RPS6KC1: variants seen among roughly 807,000 people sequenced by gnomAD.
The protein encoded by RPS6KC1 is ribosomal protein S6 kinase C1.
In RPS6KC1, 54 loss-of-function variants were observed where a neutral mutation model predicts 103.8. The observed-to-expected ratio is 0.52, with a 90% confidence interval of 0.42 to 0.65. The LOEUF (loss-of-function observed/expected upper bound fraction) is 0.65, where lower values mean the gene tolerates loss of function less well. Among genes scored for constraint, RPS6KC1 ranks in the 30% least tolerant of loss-of-function variants. RPS6KC1 has a pLI of 0.00. For missense variants in RPS6KC1, 1,151 were observed against 1,253.8 expected, an observed-to-expected ratio of 0.92 and a Z score of 1.24; for synonymous variants, 439 against 438.7, an observed-to-expected ratio of 1.00 and a Z score of -0.01.
intron 7 of RPS6KC1, among the ~76,000 whole-genome samples, chr1:213,171,702 T>C (rs2091489206): frequency 6.6e-6 from 1 of 152,252 alleles, no homozygotes; most frequent in African/African-American, 2.4e-5. Context: ...TATTATTAAT[T>C]GATATTATTC....
intron 3 of RPS6KC1, among the ~76,000 whole-genome samples, chr1:213,099,093 T>C (rs906015185): frequency 4.6e-5 from 7 of 152,216 alleles, no homozygotes. Context: ...AAATTTTGAT[T>C]ATGTTGAAGG....
chr1:213,117,191 A>C (rs1360342467), intron 4 of RPS6KC1, 126 bp from the exon 5 acceptor site: 2 of 548,944 alleles, frequency 3.6e-6, no homozygotes, highest in Admixed American at 7.2e-5. Flanking sequence ...CTTGTCATCT[A>C]GTTTAATAGA....
At chr1:213,408,104 A>C in the RPS6KC1 span, among the ~76,000 whole-genome samples, 1 of 152,220 alleles carries the variant, frequency 6.6e-6, no homozygotes, top group Non-Finnish European at 1.5e-5. Context: ...TTCTGTCCTT[A>C]TAATGTCAGA....
chr1:213,859,543 G>A, the RPS6KC1 span, among the ~76,000 whole-genome samples: 1 of 152,308 alleles, frequency 6.6e-6, no homozygotes, highest in Non-Finnish European at 1.5e-5. Flanking sequence ...AGCAGCCCTA[G>A]ACAATATGAG....
the RPS6KC1 span, among the ~76,000 whole-genome samples, chr1:213,405,647 T>C: frequency 6.6e-6 from 1 of 152,192 alleles, no homozygotes; most frequent in Non-Finnish European, 1.5e-5. Flanking sequence ...ATTCCATTAA[T>C]TTCAGCAGCA....
chr1:213,397,279 C>T, the RPS6KC1 span, among the ~76,000 whole-genome samples: 7 of 152,082 alleles, frequency 4.6e-5, no homozygotes, highest in Non-Finnish European at 8.8e-5. Flanking sequence ...TCTCCTTTCT[C>T]CTGCTTTTCT....
At chr1:213,176,929 A>G (rs12088296) in intron 8 of RPS6KC1, among the ~76,000 whole-genome samples, 10 of 152,182 alleles carry the variant, frequency 6.6e-5, no homozygotes, top group African/African-American at 2.4e-4. Context: ...ATATGATACA[A>G]TCTTTCTTAC....
At chr1:213,395,972 A>G in the RPS6KC1 span, among the ~76,000 whole-genome samples, 31 of 152,356 alleles carry the variant, frequency 2.0e-4, no homozygotes, top group Middle Eastern at 3.4e-3. Flanking sequence ...TTCAGATGTG[A>G]AAGGATTCGG....
chr1:213,531,011 A>AT, the RPS6KC1 span, among the ~76,000 whole-genome samples: 1 of 152,174 alleles, frequency 6.6e-6, no homozygotes, highest in African/African-American at 2.4e-5. Flanking sequence ...GCTAATTGTT[A>AT]TTTTTTTGAA....
chr1:213,502,665 A>G, the RPS6KC1 span, among the ~76,000 whole-genome samples: 335 of 152,282 alleles, frequency 2.2e-3, 2 homozygotes, highest in South Asian at 9.3e-3. Flanking sequence ...TATTTTTAAT[A>G]TTAATATTTT....
the RPS6KC1 span, among the ~76,000 whole-genome samples, chr1:213,832,085 G>A: frequency 7.2e-5 from 11 of 152,162 alleles, no homozygotes; most frequent in African/African-American, 2.7e-4. Flanking sequence ...TCACCTCCAG[G>A]TCTTCTTCAT....
the RPS6KC1 span, among the ~76,000 whole-genome samples, chr1:213,586,070 G>A: frequency 3.3e-5 from 5 of 152,046 alleles, no homozygotes; most frequent in East Asian, 1.9e-4. Context: ...CTTTCTTTGC[G>A]ATTCTTTGCT....
the RPS6KC1 span, among the ~76,000 whole-genome samples, chr1:213,808,153 G>C: frequency 1.3e-5 from 2 of 151,464 alleles, no homozygotes; most frequent in Non-Finnish European, 2.9e-5. Flanking sequence ...TCTCAGAGGA[G>C]TACCCGGCTG....
At chr1:213,306,555 G>A in the RPS6KC1 span, among the ~76,000 whole-genome samples, 4 of 152,138 alleles carry the variant, frequency 2.6e-5, no homozygotes, top group African/African-American at 9.7e-5. Flanking sequence ...TGGAGCTCAA[G>A]GTAACCCAGG....
chr1:213,253,950 CA>C (rs1229031527), intron 12 of RPS6KC1, among the ~76,000 whole-genome samples: 3 of 152,108 alleles, frequency 2.0e-5, no homozygotes, highest in African/African-American at 7.2e-5. Context: ...CTCTGAATAT[CA>C]TAAGGACTAT....
the RPS6KC1 span, among the ~76,000 whole-genome samples, chr1:213,402,618 G>A: frequency 8.5e-5 from 13 of 152,118 alleles, no homozygotes; most frequent in African/African-American, 3.1e-4. Flanking sequence ...GTTAAGAGAT[G>A]TATCTGTCTT....
the RPS6KC1 span, among the ~76,000 whole-genome samples, chr1:213,635,660 T>C: frequency 6.6e-6 from 1 of 152,086 alleles, no homozygotes; most frequent in African/African-American, 2.4e-5. Context: ...ACAGCAAATA[T>C]CATACTGAAT....
chr1:213,758,929 A>T, the RPS6KC1 span, among the ~76,000 whole-genome samples: 8 of 146,892 alleles, frequency 5.4e-5, no homozygotes, highest in Admixed American at 1.4e-4. Flanking sequence ...TTTGTTCTAT[A>T]AACTTAGTTG....
the RPS6KC1 span, among the ~76,000 whole-genome samples, chr1:213,689,783 G>A: frequency 5.3e-5 from 8 of 152,194 alleles, no homozygotes; most frequent in African/African-American, 1.7e-4. Flanking sequence ...TCTGCCGCAG[G>A]TCCTAGGACT....
Sources: gnomAD v4.1 joint callset for allele counts (sites outside exome capture counted in the v4.1 genomes callset) on GRCh38, gnomAD v4.1.1 for gene constraint, MANE v1.5 for transcripts, NCBI Gene and HGNC (gene_info 2026-07-23, HGNC 2026-07-21) for gene names.